SPART: variants seen among roughly 807,000 people sequenced by gnomAD.
SPART encodes the protein spastic paraplegia 20 (Troyer syndrome).
SPART carries 35 observed loss-of-function variants against 58.7 expected under a neutral mutation model. That is an observed-to-expected ratio of 0.60 (90% CI 0.46 to 0.79). The LOEUF is 0.79. Ranked by LOEUF, SPART falls within the 30% of genes least tolerant of loss-of-function variation. The pLI is 0.00. For missense variants in SPART, 730 were observed against 786.1 expected (o/e 0.93, Z 0.85); for synonymous variants, 284 against 280.7 (o/e 1.01, Z -0.12).
chr13:36,311,886 G>A (rs538778318), intron 8 of SPART, among the ~76,000 whole-genome samples: 13 of 152,090 alleles, frequency 8.5e-5, no homozygotes, highest in East Asian at 3.9e-4. Flanking sequence ...TCAGGAGTTC[G>A]AGACCAGCCT....
At chr13:36,358,822 G>A (rs929605640) in intron 1 of SPART, among the ~76,000 whole-genome samples, 1 of 152,170 alleles carries the variant, frequency 6.6e-6, no homozygotes, top group Non-Finnish European at 1.5e-5. Context: ...AAGTCTTTAA[G>A]TTACTCCATC....
chr13:36,359,651 C>T (rs1294508798), intron 1 of SPART, among the ~76,000 whole-genome samples: 3 of 152,072 alleles, frequency 2.0e-5, no homozygotes, highest in Admixed American at 6.5e-5. Flanking sequence ...AATAAAATAA[C>T]GTATGCAAAG....
intron 5 of SPART, among the ~76,000 whole-genome samples, chr13:36,318,313 T>C (rs1881954259): frequency 6.6e-6 from 1 of 152,216 alleles, no homozygotes; most frequent in African/African-American, 2.4e-5. Context: ...TCAAGGTTAA[T>C]GCTCATTTTT....
Position 36,312,334 on chromosome 13 carries a change from C to T in SPART, c.1627G>A (p.Ala543Thr). 3 of 1,614,092 alleles carry T rather than the reference C, an allele frequency of 1.9e-6. No individual in the cohort carries two copies. The highest frequency in any genetic ancestry group is 2.5e-6 in the Non-Finnish European group (3 of 1,179,990). Residue 543 changes from alanine to threonine, a missense_variant, in exon 7 of 9, where the codon GCA becomes ACA. Coordinates refer to ENST00000438666, the MANE Select transcript of SPART (RefSeq NM_015087.5). ...SPLDGAMVVAASSVQGFSTVW... is the reference protein window; with the variant it reads ...SPLDGAMVVATSSVQGFSTVW... ...CCTTTGTTACCTTGAACACTACTTG[C>T]TGCTACAACCATAGCACCATCCAGA...
At chr13:36,337,550 TGAA>T (rs1884136401) in intron 1 of SPART, among the ~76,000 whole-genome samples, 1 of 152,228 alleles carries the variant, frequency 6.6e-6, no homozygotes, top group Non-Finnish European at 1.5e-5. Context: ...TGCCATCATG[TGAA>T]GAAGGTCTTT....
chr13:36,369,079 G>T (rs1886176972), intron 1 of SPART, among the ~76,000 whole-genome samples: 1 of 152,102 alleles, frequency 6.6e-6, no homozygotes, highest in Non-Finnish European at 1.5e-5. Flanking sequence ...AATTAAATCA[G>T]CTATTGATTT....
chr13:36,334,574 G>A (rs1883769253), intron 2 of SPART, among the ~76,000 whole-genome samples: 1 of 151,994 alleles, frequency 6.6e-6, no homozygotes, highest in Admixed American at 6.6e-5. Flanking sequence ...ATGTTCTCTG[G>A]GGAGGCAAAA....
chr13:36,359,472 A>G (rs753068327), intron 1 of SPART, among the ~76,000 whole-genome samples: 2 of 152,214 alleles, frequency 1.3e-5, no homozygotes, highest in Non-Finnish European at 2.9e-5. Flanking sequence ...TTAGCTGTAA[A>G]TATAGACATA....
At chr13:36,325,080 C>G (rs116855024) in intron 5 of SPART, among the ~76,000 whole-genome samples, 1 of 152,256 alleles carries the variant, frequency 6.6e-6, no homozygotes, top group East Asian at 1.9e-4. Flanking sequence ...TGGGCATATA[C>G]GTCAAGTCAC....
chr13:36,327,320 T>C (rs964540478), intron 4 of SPART, among the ~76,000 whole-genome samples: 1 of 152,114 alleles, frequency 6.6e-6, no homozygotes, highest in Non-Finnish European at 1.5e-5. Flanking sequence ...TCAGACCTCA[T>C]AGTATTAATA....
intron 2 of SPART, among the ~76,000 whole-genome samples, chr13:36,334,120 G>A (rs1883729778): frequency 6.6e-6 from 1 of 152,164 alleles, no homozygotes; most frequent in Non-Finnish European, 1.5e-5. Context: ...TGCTTAAATA[G>A]TGATCTTTCT....
chr13:36,324,005 C>T (rs1056134203), intron 5 of SPART, among the ~76,000 whole-genome samples: 1 of 152,212 alleles, frequency 6.6e-6, no homozygotes, highest in Non-Finnish European at 1.5e-5. Flanking sequence ...ACTGGCTGTA[C>T]TGCTTCCGGT....
chr13:36,319,744 G>C (rs199889833), intron 5 of SPART, among the ~76,000 whole-genome samples: 5,508 of 106,440 alleles, frequency 0.052, 189 homozygotes, highest in East Asian at 0.14. Context: ...GCCTTTCTTC[G>C]CTTTCACTTG....
chr13:36,307,847 A>G (rs893285640), intron 8 of SPART, among the ~76,000 whole-genome samples: 3 of 152,142 alleles, frequency 2.0e-5, no homozygotes, highest in Admixed American at 1.3e-4. Flanking sequence ...AAAAATTTTA[A>G]GAGTATAGTT....
At position 36,303,007 on chromosome 13, in the gene SPART, A is replaced by G. The variant is rs1044444912; in HGVS notation, c.*1358T>C. The stretch of plus-strand genomic sequence containing the variant: ...TGCCATTCCATTTCTTAAACAAAGC[A>G]TAGACTGTCTGTAAGCTATTTACCA... On this transcript the variant is annotated 3_prime_UTR_variant, in exon 9 of 9. Coordinates refer to ENST00000438666, the MANE Select transcript of SPART (RefSeq NM_015087.5). 1 of 152,212 alleles carries G rather than the reference A, an allele frequency of 6.6e-6. No homozygotes were observed. The highest frequency in any genetic ancestry group is 1.5e-5 in the Non-Finnish European group (1 of 68,020). The allele number at this position is 152,212 out of a possible 1,614,324, so 9.4% of individuals were successfully genotyped here. A position where few individuals can be genotyped will look rare whatever the true frequency, so the allele number is the denominator to read the frequency against.
At chr13:36,340,986 A>G (rs1354445065) in intron 1 of SPART, among the ~76,000 whole-genome samples, 1 of 152,254 alleles carries the variant, frequency 6.6e-6, no homozygotes, top group Non-Finnish European at 1.5e-5. Context: ...AGATGGGAAG[A>G]TGGATGGATA....
At chr13:36,309,589 T>C (rs1201199736) in intron 8 of SPART, among the ~76,000 whole-genome samples, 1 of 152,126 alleles carries the variant, frequency 6.6e-6, no homozygotes, top group Non-Finnish European at 1.5e-5. Context: ...TGCAGCAACA[T>C]GGATGCAGCT....
Position 36,368,682 on chromosome 13 carries a change from C to T in SPART, c.-3+1407G>A, listed in dbSNP as rs74787042. On this transcript the variant is annotated intron_variant, in intron 1 of 8. Coordinates refer to the SPART transcript ENST00000355182. ...AAAAATCTTAATATATTACACTCTA[C>T]GTTTTTGGAGCACAAATATAACAAT... is the stretch of plus-strand genomic sequence containing the variant. 1.4e-3 allele frequency among the ~76,000 whole-genome samples: 218 copies of T among 152,310 alleles called. 3 individuals carry two copies. In the East Asian group the frequency reaches 0.029, roughly 20 times the overall value.
chr13:36,323,515 T>G (rs1041154767), intron 5 of SPART, among the ~76,000 whole-genome samples: 5 of 152,212 alleles, frequency 3.3e-5, no homozygotes, highest in Non-Finnish European at 5.9e-5. Flanking sequence ...TTAGTGATCT[T>G]TACTTATTCT....
Sources: gnomAD v4.1 joint callset for allele counts (sites outside exome capture counted in the v4.1 genomes callset) on GRCh38, gnomAD v4.1.1 for gene constraint, MANE v1.5 for transcripts, NCBI Gene and HGNC (gene_info 2026-07-23, HGNC 2026-07-21) for gene names.